Variants in POLE4 observed in about 807,000 individuals in gnomAD.
POLE4 encodes DNA polymerase epsilon 4, accessory subunit, also known as DNA polymerase epsilon subunit 4.
A neutral mutation model predicts 15.6 loss-of-function variants in POLE4; 15 were observed. The ratio of observed to expected loss-of-function variants is 0.96; its 90% CI spans 0.64 to 1.48. The LOEUF (loss-of-function observed/expected upper bound fraction) is 1.48. POLE4 is among the 40% of genes most tolerant of loss of function. POLE4 has a pLI of 0.00. For missense variants in POLE4, 205 were observed against 151.9 expected, an observed-to-expected ratio of 1.35 and a Z score of -1.84; for synonymous variants, 83 against 63.2, an observed-to-expected ratio of 1.31 and a Z score of -1.49.
intron 3 of POLE4, among the ~76,000 whole-genome samples, chr2:74,968,573 A>G (rs1020785570): frequency 6.7e-6 from 1 of 150,160 alleles, no homozygotes; most frequent in African/African-American, 2.5e-5. Context: ...AGGCTGTTCT[A>G]GTTTTCTCCA....
intron 2 of POLE4, 144 bp from the exon 3 acceptor site, chr2:74,959,961 T>C (rs558361591): frequency 3.1e-5 from 21 of 680,754 alleles, no homozygotes; most frequent in East Asian, 2.0e-4. Context: ...AGAGTAGATA[T>C]GGATCTCAAG....
At chr2:74,960,608 T>C in intron 3 of POLE4, 1 of 494,998 alleles carries the variant, frequency 2.0e-6, no homozygotes, top group Non-Finnish European at 4.1e-6. Context: ...GATTAACTTG[T>C]GTACTAACTA....
Position 74,960,135 on chromosome 2 carries a change from C to T in POLE4, c.329C>T (p.Ala110Val). ...DNAIEAVDEF[A>V]FLEGTLD Reference sequence around the variant, plus strand: ...GCAATAGAAGCTGTGGATGAATTTGCTTTTCTGGAAGGTGAGTTCCCTCTC... The same window carrying T: ...GCAATAGAAGCTGTGGATGAATTTGTTTTTCTGGAAGGTGAGTTCCCTCTC... The change falls in exon 3 of 4, where the codon GCT becomes GTT. Residue 110 changes from alanine to valine, a missense_variant. Physicochemically the swap from Ala to Val is moderately conservative, Grantham distance 64. Coordinates refer to ENST00000483063, the MANE Select transcript of POLE4 (RefSeq NM_019896.4). 6.2e-7 allele frequency: 1 copy of T among 1,613,552 alleles called. No homozygotes were observed. Among genetic ancestry groups the T allele is most frequent in the South Asian group, 1.1e-5 (1 of 91,050 alleles).
chr2:74,961,940 T>C (rs945151152), intron 3 of POLE4, among the ~76,000 whole-genome samples: 4 of 152,184 alleles, frequency 2.6e-5, no homozygotes, highest in Non-Finnish European at 5.9e-5. Context: ...ATAATACATA[T>C]CCATACTTGA....
intron 2 of POLE4, chr2:74,959,880 T>C: frequency 3.8e-6 from 2 of 527,202 alleles, no homozygotes; most frequent in Non-Finnish European, 6.7e-6. Context: ...AACCCCCGCG[T>C]TGAATGGTAT....
chr2:74,958,952 CG>C, intron 1 of POLE4, 60 bp downstream of exon 1: 1 of 1,443,266 alleles, frequency 6.9e-7, no homozygotes, highest in Non-Finnish European at 9.4e-7. Flanking sequence ...GGCGGGGCCT[CG>C]GGGCCTCCCG....
intron 3 of POLE4, among the ~76,000 whole-genome samples, chr2:74,966,727 C>T (rs879561897): frequency 2.6e-5 from 4 of 152,142 alleles, no homozygotes; most frequent in Non-Finnish European, 4.4e-5. Flanking sequence ...TCCGATCCTC[C>T]ATTTGTGATC....
Position 74,958,656 on chromosome 2 carries a change from GC to G in POLE4, c.-23del. 7.1e-7 allele frequency: 1 copy of G among 1,400,226 alleles called. No homozygotes were observed. Among genetic ancestry groups the G allele is most frequent in the Non-Finnish European group, 9.2e-7 (1 of 1,083,510 alleles). The allele number at this position is 1,400,226 out of a possible 1,614,324, so 86.7% of individuals were successfully genotyped here. A position where few individuals can be genotyped will look rare whatever the true frequency, so the allele number is the denominator to read the frequency against. On this transcript the variant is annotated 5_prime_UTR_variant, in exon 1 of 4. Transcript: ENST00000483063. The stretch of plus-strand genomic sequence containing the variant: ...GCATGCGCGCGCACAGTCGGCGGCC[GC>G]GCGCAGCACGCTCAAGGCCGGGATG...
chr2:74,967,612 T>G (rs1372030783), intron 3 of POLE4, among the ~76,000 whole-genome samples: 1 of 152,230 alleles, frequency 6.6e-6, no homozygotes, highest in Non-Finnish European at 1.5e-5. Context: ...ACATCCATAG[T>G]CTCTTGAGAC....
At chr2:74,967,913 G>A (rs552808069) in intron 3 of POLE4, among the ~76,000 whole-genome samples, 2 of 145,542 alleles carry the variant, frequency 1.4e-5, no homozygotes, top group Admixed American at 7.4e-5. Context: ...ATTCCAGTTC[G>A]TCCTTACTCT....
intron 3 of POLE4, 59 bp from the exon 4 acceptor site, chr2:74,969,350 G>C (rs1298078193): frequency 6.5e-7 from 1 of 1,546,746 alleles, no homozygotes; most frequent in Admixed American, 1.7e-5. Flanking sequence ...TGCCCAGCTT[G>C]TTACACTAAT....
intron 3 of POLE4, among the ~76,000 whole-genome samples, chr2:74,967,202 A>T (rs1671309382): frequency 6.6e-6 from 1 of 152,138 alleles, no homozygotes; most frequent in Non-Finnish European, 1.5e-5. Context: ...TGGGATTCCC[A>T]TTAAATATAT....
rs567248275 is a variant in POLE4, at chr2:74,965,018, G to T, written c.341-4391G>T. ...GAATGTTGCATCCCTGTTTATAAAAGAGATTAGTCTTTTTTTTTCATACTG... is the reference window on the plus strand; with the variant it reads ...GAATGTTGCATCCCTGTTTATAAAATAGATTAGTCTTTTTTTTTCATACTG... On this transcript the variant is annotated intron_variant, in intron 3 of 3. Coordinates refer to ENST00000483063, the MANE Select transcript of POLE4 (RefSeq NM_019896.4). 2.0e-5 allele frequency among the ~76,000 whole-genome samples: 3 copies of T among 151,596 alleles called. No homozygotes were observed. The South Asian group carries it at 6.2e-4, about 32-fold the overall frequency.
intron 3 of POLE4, among the ~76,000 whole-genome samples, chr2:74,968,445 G>T (rs1237204741): frequency 6.6e-6 from 1 of 152,046 alleles, no homozygotes; most frequent in Non-Finnish European, 1.5e-5. Context: ...GGATGAGGGG[G>T]TGGTTGTTGC....
At chr2:74,959,037 C>T (rs548561999) in intron 1 of POLE4, 145 bp downstream of exon 1, 327 of 724,210 alleles carry the variant, frequency 4.5e-4, no homozygotes, top group African/African-American at 9.1e-4. Flanking sequence ...GGAAAGGGGC[C>T]GGGGACCTGT....
intron 3 of POLE4, among the ~76,000 whole-genome samples, chr2:74,964,827 T>C (rs367703905): frequency 2.6e-5 from 4 of 152,118 alleles, no homozygotes; most frequent in African/African-American, 9.7e-5. Flanking sequence ...CCAATCCTTA[T>C]CTTTATATAT....
At chr2:74,960,201 G>A (rs1051222769) in intron 3 of POLE4, 55 bp downstream of exon 3, 21 of 1,427,730 alleles carry the variant, frequency 1.5e-5, no homozygotes, top group African/African-American at 2.8e-5. Context: ...ATGTTGATGT[G>A]AAATTCAAAA....
At chr2:74,959,982 A>T (rs747025203) in intron 2 of POLE4, 123 bp from the exon 3 acceptor site, 14 of 736,484 alleles carry the variant, frequency 1.9e-5, no homozygotes, top group African/African-American at 3.5e-5. Context: ...GCAGCAAGGG[A>T]CGCATCTTAT....
chr2:74,959,872 C>A (rs1671190712), intron 2 of POLE4: 1 of 519,654 alleles, frequency 1.9e-6, no homozygotes, highest in Admixed American at 3.6e-5. Flanking sequence ...AGGCCCCCAA[C>A]CCCCGCGTTG....
Sources: gnomAD v4.1 joint callset for allele counts (sites outside exome capture counted in the v4.1 genomes callset) on GRCh38, gnomAD v4.1.1 for gene constraint, MANE v1.5 for transcripts, NCBI Gene and HGNC (gene_info 2026-07-23, HGNC 2026-07-21) for gene names.